The following CSNK2A2IP variants were observed in gnomAD, a reference collection of about 807,000 sequenced individuals.
The protein encoded by CSNK2A2IP is casein kinase II subunit alpha'-interacting protein.
chr3:88,386,561 G>A, the CSNK2A2IP span, among the ~76,000 whole-genome samples: 1 of 152,154 alleles, frequency 6.6e-6, no homozygotes, highest in Non-Finnish European at 1.5e-5. Context: ...TGACTATAAT[G>A]ATCAAACTTG....
At chr3:88,457,932 T>G in the CSNK2A2IP span, among the ~76,000 whole-genome samples, 1 of 151,738 alleles carries the variant, frequency 6.6e-6, no homozygotes, top group Admixed American at 6.6e-5. Context: ...TCAACTTATT[T>G]ACTAGAGATA....
the CSNK2A2IP span, among the ~76,000 whole-genome samples, chr3:88,425,011 A>G: frequency 6.6e-6 from 1 of 152,110 alleles, no homozygotes; most frequent in Non-Finnish European, 1.5e-5. Flanking sequence ...TAGAATTACA[A>G]ACACAAACTT....
chr3:88,443,902 AT>A, the CSNK2A2IP span, among the ~76,000 whole-genome samples: 213 of 147,434 alleles, frequency 1.4e-3, 1 homozygote, highest in African/African-American at 4.8e-3. Flanking sequence ...AAAAAAAAAA[AT>A]AAAAGTGTAA....
At chr3:88,398,064 C>T in the CSNK2A2IP span, among the ~76,000 whole-genome samples, 2 of 152,134 alleles carry the variant, frequency 1.3e-5, no homozygotes, top group African/African-American at 4.8e-5. Context: ...ATATGATTTC[C>T]TATAATAAAA....
the CSNK2A2IP span, chr3:88,338,734 A>G: frequency 6.6e-6 from 1 of 152,066 alleles, no homozygotes; most frequent in Non-Finnish European, 1.5e-5. Context: ...TGTATGTATG[A>G]GCAAATTGGT....
chr3:88,370,035 C>A, the CSNK2A2IP span, among the ~76,000 whole-genome samples: 1 of 151,858 alleles, frequency 6.6e-6, no homozygotes, highest in African/African-American at 2.4e-5. Flanking sequence ...TTCTTCACAC[C>A]ATGGGGGAGA....
the CSNK2A2IP span, among the ~76,000 whole-genome samples, chr3:88,421,895 C>A: frequency 6.6e-6 from 1 of 152,172 alleles, no homozygotes; most frequent in Non-Finnish European, 1.5e-5. Flanking sequence ...AAACAATTTT[C>A]TTCAAAGGGT....
chr3:88,393,087 C>T, the CSNK2A2IP span, among the ~76,000 whole-genome samples: 1 of 152,270 alleles, frequency 6.6e-6, no homozygotes, highest in African/African-American at 2.4e-5. Context: ...GACATGATAT[C>T]TTCTGTAGTG....
the CSNK2A2IP span, among the ~76,000 whole-genome samples, chr3:88,374,752 C>G: frequency 1.3e-5 from 2 of 151,784 alleles, no homozygotes; most frequent in East Asian, 3.9e-4. Flanking sequence ...ATTCATCTCA[C>G]TGACTTTAGG....
At chr3:88,383,014 A>C in the CSNK2A2IP span, among the ~76,000 whole-genome samples, 2 of 152,178 alleles carry the variant, frequency 1.3e-5, no homozygotes, top group African/African-American at 4.8e-5. Flanking sequence ...ATTGTAAAAC[A>C]GTTTACACTG....
At chr3:88,358,434 G>C in the CSNK2A2IP span, among the ~76,000 whole-genome samples, 3 of 152,072 alleles carry the variant, frequency 2.0e-5, no homozygotes, top group African/African-American at 4.8e-5. Context: ...AAGGCTTTCT[G>C]TTGTTGGACA....
chr3:88,413,159 T>C, the CSNK2A2IP span, among the ~76,000 whole-genome samples: 1 of 152,082 alleles, frequency 6.6e-6, no homozygotes, highest in Non-Finnish European at 1.5e-5. Flanking sequence ...ACTCATGATA[T>C]AATGCATTGG....
At chr3:88,423,789 A>G in the CSNK2A2IP span, among the ~76,000 whole-genome samples, 4 of 152,174 alleles carry the variant, frequency 2.6e-5, no homozygotes, top group African/African-American at 9.7e-5. Context: ...GTAGAAGAGT[A>G]GCATCACAAT....
the CSNK2A2IP span, among the ~76,000 whole-genome samples, chr3:88,389,128 A>G: frequency 1.3e-5 from 2 of 152,168 alleles, no homozygotes; most frequent in Non-Finnish European, 2.9e-5. Context: ...AGTGTTCCAT[A>G]GAACAATAAG....
At chr3:88,420,518 T>A in the CSNK2A2IP span, among the ~76,000 whole-genome samples, 2 of 152,184 alleles carry the variant, frequency 1.3e-5, no homozygotes, top group African/African-American at 4.8e-5. Context: ...GATTATAATA[T>A]GTATAATAAG....
chr3:88,384,318 ACTTT>A, the CSNK2A2IP span, among the ~76,000 whole-genome samples: 24 of 151,938 alleles, frequency 1.6e-4, no homozygotes, highest in African/African-American at 4.8e-4. Context: ...GGACTGACTG[ACTTT>A]CTTTCTCCCT....
At chr3:88,466,148 C>T in the CSNK2A2IP span, 1 of 1,231,572 alleles carries the variant, frequency 8.1e-7, no homozygotes. Context: ...TCTTTCAAAC[C>T]CAATCAAATT....
the CSNK2A2IP span, among the ~76,000 whole-genome samples, chr3:88,425,953 A>C: frequency 6.6e-6 from 1 of 152,208 alleles, no homozygotes; most frequent in Non-Finnish European, 1.5e-5. Context: ...TGAGGCATTC[A>C]CTAAAATTCA....
the CSNK2A2IP span, among the ~76,000 whole-genome samples, chr3:88,423,788 T>C: frequency 6.6e-6 from 1 of 152,054 alleles, no homozygotes; most frequent in Non-Finnish European, 1.5e-5. Flanking sequence ...TGTAGAAGAG[T>C]AGCATCACAA....
Sources: gnomAD v4.1 joint callset for allele counts (sites outside exome capture counted in the v4.1 genomes callset) on GRCh38, gnomAD v4.1.1 for gene constraint, MANE v1.5 for transcripts, NCBI Gene and HGNC (gene_info 2026-07-23, HGNC 2026-07-21) for gene names.